The following ERVH48-1 variants were observed in gnomAD, a reference collection of about 807,000 sequenced individuals.
ERVH48-1 encodes the protein endogenous retrovirus group 48 member 1, envelope.
A neutral mutation model predicts 2.4 loss-of-function variants in ERVH48-1; 4 were observed. That is an observed-to-expected ratio of 1.68 (90% CI 0.83 to 3.84). The LOEUF (loss-of-function observed/expected upper bound fraction) is 3.84, where lower values mean the gene tolerates loss of function less well. Among genes scored for constraint, ERVH48-1 ranks in the 30% most tolerant of loss-of-function variants. ERVH48-1 has a pLI of 0.01. For synonymous variants in ERVH48-1, 32 were observed against 15.5 expected (o/e 2.06, Z -2.49); for missense variants, 97 against 43.4 (o/e 2.23, Z -3.47).
chr21:42,924,401 C>G (rs1391518646), intron 1 of ERVH48-1, among the ~76,000 whole-genome samples: 3 of 151,790 alleles, frequency 2.0e-5, no homozygotes, highest in African/African-American at 4.8e-5. Flanking sequence ...CTGGATCCAA[C>G]AAGGAAAAAG....
intron 1 of ERVH48-1, among the ~76,000 whole-genome samples, chr21:42,922,027 C>T (rs59296701): frequency 0.076 from 11,631 of 152,154 alleles, 515 homozygotes; most frequent in East Asian, 0.15. Context: ...TTCCATCTGG[C>T]TTTTTAACAG....
At chr21:42,921,096 G>A (rs754001776) in intron 1 of ERVH48-1, among the ~76,000 whole-genome samples, 2 of 152,060 alleles carry the variant, frequency 1.3e-5, no homozygotes, top group Non-Finnish European at 2.9e-5. Context: ...CTGTGGTTTC[G>A]AGCTGTTTAG....
chr21:42,922,465 G>C (rs2058808657), intron 1 of ERVH48-1, among the ~76,000 whole-genome samples: 1 of 152,052 alleles, frequency 6.6e-6, no homozygotes, highest in South Asian at 2.1e-4. Context: ...GGAAGGCCGG[G>C]CGCGGTGGCT....
At chr21:42,919,682 T>C (rs1356909655) in intron 1 of ERVH48-1, among the ~76,000 whole-genome samples, 1 of 152,108 alleles carries the variant, frequency 6.6e-6, no homozygotes, top group Non-Finnish European at 1.5e-5. Flanking sequence ...TAGAGGCGCC[T>C]TGGGTGATTT....
rs898931025 is a variant in ERVH48-1 at position 42,918,199 on chromosome 21, A to G, written c.*325T>C. ...GGGTAACCTTGGCCACCACTCAGCT[A>G]TGGAGGCATTGACTGTTAGGGTTTG... On this transcript the variant is annotated 3_prime_UTR_variant, in exon 2 of 2. Coordinates refer to ENST00000447535, the MANE Select transcript of ERVH48-1 (RefSeq NM_001308491.2). 3.5e-6 allele frequency: 1 copy of G among 286,360 alleles called. No homozygotes were observed. The highest frequency in any genetic ancestry group is 2.2e-5 in the African/African-American group (1 of 45,260). The allele number at this position is 286,360 out of a possible 1,614,324, so 17.7% of individuals were successfully genotyped here. A position where few individuals can be genotyped will look rare whatever the true frequency, so the allele number is the denominator to read the frequency against.
intron 1 of ERVH48-1, among the ~76,000 whole-genome samples, chr21:42,920,043 TA>T (rs1264957771): frequency 1.2e-4 from 9 of 77,354 alleles, no homozygotes; most frequent in African/African-American, 7.0e-4. Context: ...CAAATGAGGA[TA>T]GGGCAGAGAC....
At chr21:42,923,864 G>T (rs976970486) in intron 1 of ERVH48-1, among the ~76,000 whole-genome samples, 1 of 152,220 alleles carries the variant, frequency 6.6e-6, no homozygotes, top group Non-Finnish European at 1.5e-5. Context: ...TCATAAGACT[G>T]GGTGAGGTAC....
intron 1 of ERVH48-1, among the ~76,000 whole-genome samples, chr21:42,924,586 T>C (rs2058815564): frequency 6.6e-6 from 1 of 152,168 alleles, no homozygotes. Context: ...TCAGTTAAAA[T>C]TGTAAAGTCG....
At chr21:42,923,282 C>T (rs1229243823) in intron 1 of ERVH48-1, among the ~76,000 whole-genome samples, 3 of 152,228 alleles carry the variant, frequency 2.0e-5, no homozygotes, top group Non-Finnish European at 4.4e-5. Flanking sequence ...TGCAGGGCCT[C>T]CCGATGGCGG....
intron 1 of ERVH48-1, among the ~76,000 whole-genome samples, chr21:42,919,943 G>A (rs768422105): frequency 1.3e-5 from 2 of 152,140 alleles, no homozygotes; most frequent in South Asian, 2.1e-4. Context: ...GGTAGGAAAA[G>A]GCAGTGGCCA....
Position 42,918,376 on chromosome 21 carries a change from A to C in ERVH48-1, c.*148T>G. ...TGGGGTTTTGGGATGCCTGTAAGTAAGGGGGAATGTCTATCCCGTCCCACA... is the reference window on the plus strand; with the variant it reads ...TGGGGTTTTGGGATGCCTGTAAGTACGGGGGAATGTCTATCCCGTCCCACA... On this transcript the variant is annotated 3_prime_UTR_variant, in exon 2 of 2. Coordinates refer to ENST00000447535, the MANE Select transcript of ERVH48-1 (RefSeq NM_001308491.2). The C allele has an allele frequency of 2.8e-6, 1 of 361,770 alleles. No individual in the cohort carries two copies. Among genetic ancestry groups the C allele is most frequent in the South Asian group, 2.1e-5 (1 of 47,256 alleles). 22.4% of individuals were successfully genotyped at this position (361,770 alleles called of 1,614,324 possible). A position where few individuals can be genotyped will look rare whatever the true frequency, so the allele number is the denominator to read the frequency against.
chr21:42,923,664 G>T (rs2058813276), intron 1 of ERVH48-1, among the ~76,000 whole-genome samples: 1 of 152,214 alleles, frequency 6.6e-6, no homozygotes, highest in African/African-American at 2.4e-5. Context: ...CTCGATGGCA[G>T]CATCCAAAGG....
intron 1 of ERVH48-1, among the ~76,000 whole-genome samples, chr21:42,919,714 TATCGGA>T (rs1288088423): frequency 6.6e-6 from 1 of 152,156 alleles, no homozygotes; most frequent in Non-Finnish European, 1.5e-5. Flanking sequence ...GCAGGCCCGT[TATCGGA>T]CCGGATGGAT....
Position 42,916,908 on chromosome 21 carries a change from A to G in ERVH48-1, c.*1616T>C, listed in dbSNP as rs2058790381. 6.5e-6 allele frequency: 1 copy of G among 153,954 alleles called. No homozygotes were observed. The highest frequency in any genetic ancestry group is 1.4e-5 in the Non-Finnish European group (1 of 69,346). 9.5% of individuals were successfully genotyped at this position (153,954 alleles called of 1,614,324 possible). On this transcript the variant is annotated 3_prime_UTR_variant, in exon 2 of 2. Transcript: ENST00000447535. ...GGGCAGGGGTTTTATAGTCCTCTGT[A>G]AACAGGAATTGTCCCAGCCTAACGT...
In ERVH48-1 at chr21:42,919,281, C is replaced by T; in HGVS notation, c.-275G>A. On this transcript the variant is annotated 5_prime_UTR_variant, in exon 2 of 2. Coordinates refer to ENST00000447535, the MANE Select transcript of ERVH48-1 (RefSeq NM_001308491.2). ...TGTGAGGGTCAGTTTGGCCGATAAA[C>T]ACGTCTGTGCCTGCAAGACAGTTAT... is the stretch of plus-strand genomic sequence containing the variant. 3.8e-6 allele frequency: 1 copy of T among 260,866 alleles called. No individual in the cohort carries two copies. The highest frequency in any genetic ancestry group is 7.6e-6 in the Non-Finnish European group (1 of 131,348). The allele number at this position is 260,866 out of a possible 1,614,324, so 16.2% of individuals were successfully genotyped here.
chr21:42,920,982 G>A (rs1236967184), intron 1 of ERVH48-1, among the ~76,000 whole-genome samples: 2 of 152,168 alleles, frequency 1.3e-5, no homozygotes, highest in African/African-American at 4.8e-5. Flanking sequence ...TGATGCTATG[G>A]GCTGACTAAA....
chr21:42,921,144 C>T (rs2058804329), intron 1 of ERVH48-1, among the ~76,000 whole-genome samples: 1 of 151,930 alleles, frequency 6.6e-6, no homozygotes, highest in Admixed American at 6.5e-5. Context: ...GTCCCTTAGA[C>T]TGGGTTAGAA....
chr21:42,918,108 G>T lies in ERVH48-1; in HGVS notation c.*416C>A. ...CATAAGGGTTAGTGGTGTTCGTACA[G>T]TACCAGGCCTTTTTTGACAAGACAC... On this transcript the variant is annotated 3_prime_UTR_variant, in exon 2 of 2. Transcript: ENST00000447535. The T allele has an allele frequency of 8.9e-6, 2 of 223,826 alleles. No homozygotes were observed. Among genetic ancestry groups the T allele is most frequent in the Non-Finnish European group, 1.8e-5 (2 of 112,224 alleles). The allele number at this position is 223,826 out of a possible 1,614,324, so 13.9% of individuals were successfully genotyped here. A position where few individuals can be genotyped will look rare whatever the true frequency, so the allele number is the denominator to read the frequency against.
At position 42,917,035 on chromosome 21, in the gene ERVH48-1, A is replaced by G. The variant is rs2058790699; in HGVS notation, c.*1489T>C. ...CCTCTGCTATCTTGCTGCTGGTGCA[A>G]GTTTGTACCTTGGGACTGGGCCTGA... On this transcript the variant is annotated 3_prime_UTR_variant, in exon 2 of 2. Coordinates refer to ENST00000447535, the MANE Select transcript of ERVH48-1 (RefSeq NM_001308491.2). 6.6e-6 allele frequency: 1 copy of G among 152,010 alleles called. No homozygotes were observed. The highest frequency in any genetic ancestry group is 1.5e-5 in the Non-Finnish European group (1 of 68,050). The allele number at this position is 152,010 out of a possible 1,614,324, so 9.4% of individuals were successfully genotyped here. A position where few individuals can be genotyped will look rare whatever the true frequency, so the allele number is the denominator to read the frequency against.
Sources: gnomAD v4.1 joint callset for allele counts (sites outside exome capture counted in the v4.1 genomes callset) on GRCh38, gnomAD v4.1.1 for gene constraint, MANE v1.5 for transcripts, NCBI Gene and HGNC (gene_info 2026-07-23, HGNC 2026-07-21) for gene names.